The following KCNN2 variants were observed in gnomAD, a reference collection of about 807,000 sequenced individuals.
The protein encoded by KCNN2 is small conductance calcium-activated potassium channel protein 2.
KCNN2 carries 24 observed loss-of-function variants against 55.5 expected under a neutral mutation model. The observed-to-expected ratio is 0.43, with a 90% confidence interval of 0.31 to 0.61. The LOEUF (loss-of-function observed/expected upper bound fraction) is 0.61. KCNN2 is among the 20% of genes least tolerant of loss of function. The pLI, the probability that KCNN2 is intolerant of heterozygous loss-of-function variation, is 0.08. For synonymous variants in KCNN2, 431 were observed against 336.1 expected (o/e 1.28, Z -3.09); for missense variants, 754 against 853.6 (o/e 0.88, Z 1.45).
At chr5:114,387,234 T>G (rs997152982) in intron 2 of KCNN2, among the ~76,000 whole-genome samples, 5 of 152,230 alleles carry the variant, frequency 3.3e-5, no homozygotes, top group Non-Finnish European at 7.3e-5. Context: ...TCAGAGCTAG[T>G]CCCATGATTT....
chr5:114,071,596 T>C (rs116285954), intron 1 of KCNN2, among the ~76,000 whole-genome samples: 2,352 of 152,300 alleles, frequency 0.015, 68 homozygotes, highest in African/African-American at 0.054. Context: ...TAAAAGTTCA[T>C]TGATATATCA....
intron 1 of KCNN2, among the ~76,000 whole-genome samples, chr5:114,149,256 C>G (rs1021321337): frequency 1.3e-5 from 2 of 152,056 alleles, no homozygotes; most frequent in Non-Finnish European, 2.9e-5. Flanking sequence ...AAAGGTGTAC[C>G]TGGAGACCTT....
intron 2 of KCNN2, among the ~76,000 whole-genome samples, chr5:114,353,279 C>T (rs1253678128): frequency 2.0e-5 from 3 of 151,502 alleles, no homozygotes; most frequent in Non-Finnish European, 4.4e-5. Flanking sequence ...GTTATACTAA[C>T]CTATTTATTT....
chr5:114,396,566 T>C (rs1252893272), intron 2 of KCNN2, among the ~76,000 whole-genome samples: 1 of 139,690 alleles, frequency 7.2e-6, no homozygotes, highest in African/African-American at 2.6e-5. Flanking sequence ...TTTTTTTTTT[T>C]GAGATGGAGT....
chr5:114,241,096 A>G (rs1280628988), intron 2 of KCNN2, among the ~76,000 whole-genome samples: 1 of 151,962 alleles, frequency 6.6e-6, no homozygotes, highest in Admixed American at 6.6e-5. Flanking sequence ...AATAAATTAT[A>G]AACCACTTAG....
chr5:114,313,012 C>G (rs1413649234), intron 2 of KCNN2, among the ~76,000 whole-genome samples: 1 of 152,064 alleles, frequency 6.6e-6, no homozygotes, highest in African/African-American at 2.4e-5. Flanking sequence ...CTCTCTGGAA[C>G]CTTGTTTTGA....
At chr5:114,225,181 C>T (rs1422546246) in intron 2 of KCNN2, among the ~76,000 whole-genome samples, 1 of 152,150 alleles carries the variant, frequency 6.6e-6, no homozygotes, top group Non-Finnish European at 1.5e-5. Flanking sequence ...ATGTAGGTAA[C>T]TTTGTAATTT....
At chr5:114,316,350 G>GA (rs1174086871) in intron 2 of KCNN2, among the ~76,000 whole-genome samples, 2 of 152,084 alleles carry the variant, frequency 1.3e-5, no homozygotes, top group African/African-American at 4.8e-5. Context: ...CCCCCTCCTG[G>GA]CCCCTGAGCT....
At chr5:114,405,836 G>T (rs750990434) in intron 3 of KCNN2, among the ~76,000 whole-genome samples, 1 of 151,074 alleles carries the variant, frequency 6.6e-6, no homozygotes, top group Non-Finnish European at 1.5e-5. Flanking sequence ...TCAGCCTCCC[G>T]AGTAGCTGGG....
At chr5:114,135,263 C>A (rs750949816) in intron 1 of KCNN2, among the ~76,000 whole-genome samples, 7 of 152,246 alleles carry the variant, frequency 4.6e-5, no homozygotes, top group Admixed American at 6.5e-5. Context: ...GGACGCAAGG[C>A]TCTTAAGGAA....
At chr5:114,099,860 G>A (rs537786674) in intron 1 of KCNN2, among the ~76,000 whole-genome samples, 2 of 151,840 alleles carry the variant, frequency 1.3e-5, no homozygotes, top group South Asian at 4.2e-4. Flanking sequence ...ACAAAAAGGT[G>A]TCTTTTAAAT....
chr5:114,260,113 A>G (rs904905443), intron 2 of KCNN2, among the ~76,000 whole-genome samples: 5 of 152,158 alleles, frequency 3.3e-5, no homozygotes, highest in African/African-American at 9.7e-5. Context: ...CTACTCCAAG[A>G]TAACACTATC....
chr5:114,282,497 C>A (rs1454006747), intron 2 of KCNN2, among the ~76,000 whole-genome samples: 1 of 151,746 alleles, frequency 6.6e-6, no homozygotes, highest in Admixed American at 6.6e-5. Flanking sequence ...TATTTATTGT[C>A]TTTTATTTAT....
At chr5:114,464,806 C>A (rs189007033) in intron 4 of KCNN2, among the ~76,000 whole-genome samples, 2 of 119,160 alleles carry the variant, frequency 1.7e-5, no homozygotes, top group East Asian at 2.4e-4. Context: ...TTATAGTGAA[C>A]TTTAAAAAAA....
At chr5:114,397,330 A>T (rs1420881667) in intron 2 of KCNN2, among the ~76,000 whole-genome samples, 2 of 152,198 alleles carry the variant, frequency 1.3e-5, no homozygotes, top group African/African-American at 4.8e-5. Context: ...ACTCATTTAC[A>T]TTCCTACCAG....
intron 2 of KCNN2, among the ~76,000 whole-genome samples, chr5:114,234,050 A>C (rs1754421515): frequency 6.6e-6 from 1 of 151,020 alleles, no homozygotes; most frequent in South Asian, 2.1e-4. Flanking sequence ...TTAGCAATTC[A>C]TCCTTATATC....
At chr5:114,468,475 A>AT (rs1761556855) in intron 4 of KCNN2, among the ~76,000 whole-genome samples, 2 of 152,104 alleles carry the variant, frequency 1.3e-5, no homozygotes, top group African/African-American at 4.8e-5. Flanking sequence ...AAGCTGTTTT[A>AT]TTTTTACATA....
chr5:114,114,893 G>A (rs973976538), intron 1 of KCNN2, among the ~76,000 whole-genome samples: 19 of 152,192 alleles, frequency 1.2e-4, no homozygotes, highest in Admixed American at 7.9e-4. Flanking sequence ...TAACAGCTTC[G>A]CCTAGACTAT....
intron 2 of KCNN2, among the ~76,000 whole-genome samples, chr5:114,275,483 A>T (rs1034025467): frequency 6.6e-6 from 1 of 151,960 alleles, no homozygotes; most frequent in Non-Finnish European, 1.5e-5. Context: ...TTTGGTTGGT[A>T]GGCTATTAAT....
Sources: gnomAD v4.1 joint callset for allele counts (sites outside exome capture counted in the v4.1 genomes callset) on GRCh38, gnomAD v4.1.1 for gene constraint, MANE v1.5 for transcripts, NCBI Gene and HGNC (gene_info 2026-07-23, HGNC 2026-07-21) for gene names.